DKK2: variants seen among roughly 807,000 people sequenced by gnomAD.
DKK2 encodes the protein dickkopf-related protein 2.
DKK2 carries 11 observed loss-of-function variants against 28.1 expected under a neutral mutation model. The ratio of observed to expected loss-of-function variants is 0.39; its 90% CI spans 0.25 to 0.65. The LOEUF (loss-of-function observed/expected upper bound fraction) is 0.65, where lower values mean the gene tolerates loss of function less well. Ranked by LOEUF, DKK2 falls within the 30% of genes least tolerant of loss-of-function variation. DKK2 has a pLI of 0.47. For missense variants in DKK2, 326 were observed against 335.5 expected (o/e 0.97, Z 0.22); for synonymous variants, 135 against 126.5 (o/e 1.07, Z -0.45).
chr4:107,011,486 A>C (rs1723516109), intron 1 of DKK2, among the ~76,000 whole-genome samples: 1 of 151,652 alleles, frequency 6.6e-6, no homozygotes, highest in African/African-American at 2.4e-5. Flanking sequence ...TTAGGTGAAA[A>C]ATTGCTATCA....
chr4:107,031,369 G>T (rs941981985), intron 1 of DKK2, among the ~76,000 whole-genome samples: 2 of 151,946 alleles, frequency 1.3e-5, no homozygotes, highest in East Asian at 3.9e-4. Context: ...GTTTATTTCA[G>T]TGAGCACTTT....
chr4:106,980,388 C>A (rs1723010736), intron 1 of DKK2, among the ~76,000 whole-genome samples: 1 of 152,040 alleles, frequency 6.6e-6, no homozygotes, highest in South Asian at 2.1e-4. Context: ...AGGCTCAAAT[C>A]TTCTAAACTT....
At chr4:106,965,340 C>T (rs1446517925) in intron 1 of DKK2, among the ~76,000 whole-genome samples, 1 of 151,974 alleles carries the variant, frequency 6.6e-6, no homozygotes, top group African/African-American at 2.4e-5. Flanking sequence ...ACAACATAAC[C>T]TTTTGTGAGT....
chr4:107,001,242 G>A (rs1045856031), intron 1 of DKK2, among the ~76,000 whole-genome samples: 1 of 152,028 alleles, frequency 6.6e-6, no homozygotes, highest in African/African-American at 2.4e-5. Flanking sequence ...CTAGGAAGAG[G>A]CAAGGAAGGA....
intron 1 of DKK2, among the ~76,000 whole-genome samples, chr4:106,928,943 A>G (rs531988272): frequency 7.2e-5 from 11 of 152,294 alleles, no homozygotes; most frequent in African/African-American, 2.6e-4. Flanking sequence ...ATAGAGGGTT[A>G]ACAGTAGTTG....
intron 1 of DKK2, among the ~76,000 whole-genome samples, chr4:106,979,442 C>CTT (rs11354225): frequency 3.6e-5 from 5 of 138,476 alleles, no homozygotes; most frequent in Admixed American, 7.2e-5. Flanking sequence ...TAGTATCCTT[C>CTT]TTTTTTTTTT....
In DKK2 at chr4:107,035,812, G is replaced by C. The variant is rs1723956710; in HGVS notation, c.-221C>G. ...CAAGCGAGACCCGCTTCTCCACCAG[G>C]ACAGGAAGTTCTGCAATAACTGGAA... On this transcript the variant is annotated 5_prime_UTR_variant, in exon 1 of 4. Coordinates refer to ENST00000285311, the MANE Select transcript of DKK2 (RefSeq NM_014421.3). 5.1e-6 allele frequency: 3 copies of C among 585,596 alleles called. No homozygotes were observed. In the Admixed American group the frequency reaches 9.0e-5, roughly 18 times the overall value. The allele number at this position is 585,596 out of a possible 1,614,324, so 36.3% of individuals were successfully genotyped here. A position where few individuals can be genotyped will look rare whatever the true frequency, so the allele number is the denominator to read the frequency against.
At chr4:107,014,749 T>A (rs1436587863) in intron 1 of DKK2, among the ~76,000 whole-genome samples, 1 of 151,584 alleles carries the variant, frequency 6.6e-6, no homozygotes, top group Non-Finnish European at 1.5e-5. Flanking sequence ...AACATCACAC[T>A]GTACCTCATA....
chr4:106,926,774 TA>T (rs1003429061), intron 1 of DKK2, among the ~76,000 whole-genome samples: 11 of 151,328 alleles, frequency 7.3e-5, no homozygotes, highest in African/African-American at 1.2e-4. Flanking sequence ...TATATTATCT[TA>T]AAAAAAAATA....
chr4:106,967,180 A>G (rs1578361009), intron 1 of DKK2, among the ~76,000 whole-genome samples: 1 of 152,098 alleles, frequency 6.6e-6, no homozygotes, highest in Non-Finnish European at 1.5e-5. Context: ...GTGGTGGGAG[A>G]AGACAAACAC....
intron 1 of DKK2, among the ~76,000 whole-genome samples, chr4:106,979,491 C>T (rs1722995705): frequency 6.8e-6 from 1 of 147,032 alleles, no homozygotes; most frequent in Admixed American, 6.9e-5. Flanking sequence ...AGCATCCTGT[C>T]ATCTTGTGCA....
chr4:106,964,960 T>TATAGATAGATAGATATAGATAG lies in DKK2; in HGVS notation c.223-39012_223-39011insCTATCTATATCTATCTATCTAT, dbSNP rs1553922188. ...GATAGATTAGATATAGATAGATAGA[T>TATAGATAGATAGATATAGATAG]ATAGATAGATAGATAGATAGATAGA... On this transcript the variant is annotated intron_variant, in intron 1 of 3. Transcript: ENST00000285311. Among the ~76,000 whole-genome samples the TATAGATAGATAGATATAGATAG allele has an allele frequency of 1.9e-4, 28 of 146,340 alleles. 1 individual carries two copies. Among genetic ancestry groups the TATAGATAGATAGATATAGATAG allele is most frequent in the Non-Finnish European group, 3.3e-4 (22 of 66,626 alleles).
chr4:107,027,140 G>C (rs940811240), intron 1 of DKK2, among the ~76,000 whole-genome samples: 1 of 152,094 alleles, frequency 6.6e-6, no homozygotes, highest in African/African-American at 2.4e-5. Flanking sequence ...ATGGTTAATG[G>C]GGAAAAAAGA....
intron 1 of DKK2, among the ~76,000 whole-genome samples, chr4:107,012,920 A>G (rs1471449812): frequency 2.0e-5 from 3 of 150,374 alleles, no homozygotes; most frequent in Non-Finnish European, 4.5e-5. Flanking sequence ...AATATATTTT[A>G]TATATTTTTC....
intron 1 of DKK2, among the ~76,000 whole-genome samples, chr4:106,962,622 G>T (rs2110350909): frequency 6.8e-6 from 1 of 147,972 alleles, no homozygotes; most frequent in African/African-American, 2.5e-5. Flanking sequence ...ATGGATTAAA[G>T]ATTTCAATCT....
intron 1 of DKK2, among the ~76,000 whole-genome samples, chr4:106,934,726 C>A (rs551774968): frequency 1.3e-5 from 2 of 152,252 alleles, no homozygotes; most frequent in East Asian, 3.9e-4. Context: ...TTTGAAGAAA[C>A]AGCTGAAGGA....
chr4:106,933,360 C>A (rs994960711), intron 1 of DKK2, among the ~76,000 whole-genome samples: 2 of 152,148 alleles, frequency 1.3e-5, no homozygotes, highest in Admixed American at 6.5e-5. Flanking sequence ...GGCTCACTGA[C>A]AATAACAACA....
chr4:106,925,609 G>T (rs764394722), intron 2 of DKK2, among the ~76,000 whole-genome samples, 190 bp downstream of exon 2: 2 of 152,116 alleles, frequency 1.3e-5, no homozygotes, highest in Non-Finnish European at 2.9e-5. Flanking sequence ...ATAAAATATA[G>T]AAAGTAGCCA....
chr4:107,036,174 C>G lies in DKK2; in HGVS notation c.-583G>C, dbSNP rs982729243. On this transcript the variant is annotated 5_prime_UTR_variant, in exon 1 of 4. Coordinates refer to ENST00000285311, the MANE Select transcript of DKK2 (RefSeq NM_014421.3). ...TCGAGATCTGAAGAGAATCGAGGTC[C>G]CCCACACGCGCACTCACAGTTGCCC... 1 of 152,690 alleles carries G rather than the reference C, an allele frequency of 6.5e-6. No individual in the cohort carries two copies. Among genetic ancestry groups the G allele is most frequent in the Non-Finnish European group, 1.5e-5 (1 of 68,536 alleles). 9.5% of individuals were successfully genotyped at this position (152,690 alleles called of 1,614,324 possible).
Sources: gnomAD v4.1 joint callset for allele counts (sites outside exome capture counted in the v4.1 genomes callset) on GRCh38, gnomAD v4.1.1 for gene constraint, MANE v1.5 for transcripts, NCBI Gene and HGNC (gene_info 2026-07-23, HGNC 2026-07-21) for gene names.